ARIH2: variants seen among roughly 807,000 people sequenced by gnomAD.
ARIH2 encodes the protein ariadne RBR E3 ubiquitin protein ligase 2.
Under a neutral mutation model 79.8 loss-of-function variants are expected in ARIH2, and 12 were observed. That is an observed-to-expected ratio of 0.15 (90% CI 0.10 to 0.24). The LOEUF is 0.24. ARIH2 is among the 10% of genes least tolerant of loss of function. ARIH2 has a pLI of 1.00. For synonymous variants in ARIH2, 224 were observed against 213.9 expected, an observed-to-expected ratio of 1.05 and a Z score of -0.41; for missense variants, 301 against 618.3, an observed-to-expected ratio of 0.49 and a Z score of 5.44.
chr3:48,979,922 T>C (rs562159431), intron 12 of ARIH2: 50 of 308,756 alleles, frequency 1.6e-4, no homozygotes, highest in African/African-American at 1.0e-3. Context: ...ATCTTTTTTT[T>C]TTTTTCTTTT....
chr3:48,947,122 AG>A (rs2089270564), intron 3 of ARIH2, among the ~76,000 whole-genome samples: 1 of 152,186 alleles, frequency 6.6e-6, no homozygotes, highest in African/African-American at 2.4e-5. Flanking sequence ...TGAAATACTC[AG>A]AAGCCTTGGT....
intron 11 of ARIH2, among the ~76,000 whole-genome samples, chr3:48,978,131 T>C (rs998792690): frequency 9.9e-5 from 15 of 152,176 alleles, no homozygotes; most frequent in Admixed American, 7.9e-4. Context: ...ACATAGCCCA[T>C]GTGCTCATGG....
intron 3 of ARIH2, among the ~76,000 whole-genome samples, chr3:48,930,337 G>A (rs1469941170): frequency 6.6e-6 from 1 of 152,076 alleles, no homozygotes; most frequent in Non-Finnish European, 1.5e-5. Flanking sequence ...ACAAAAATTA[G>A]CTGAGCGTGC....
Position 48,985,271 on chromosome 3 carries a change from G to T in ARIH2, c.*2001G>T, listed in dbSNP as rs1035849798. The T allele has an allele frequency of 6.6e-6, 1 of 152,262 alleles. No homozygotes were observed. Among genetic ancestry groups the T allele is most frequent in the Non-Finnish European group, 1.5e-5 (1 of 68,134 alleles). 9.4% of individuals were successfully genotyped at this position (152,262 alleles called of 1,614,324 possible). ...GGATGCTGGAGCTGGAGGGTTTTCT[G>T]TGCTCAGACTGTAGCCTGTAGCTCT... On this transcript the variant is annotated 3_prime_UTR_variant, in exon 16 of 16. Coordinates refer to ENST00000356401, the MANE Select transcript of ARIH2 (RefSeq NM_006321.4).
chr3:48,926,353 C>T lies in ARIH2; in HGVS notation c.-97-1109C>T, dbSNP rs145070394. Among the ~76,000 whole-genome samples the T allele has an allele frequency of 8.0e-3, 1,195 of 149,690 alleles. 11 individuals carry two copies. The highest frequency in any genetic ancestry group is 0.028 in the African/African-American group (1,135 of 40,630). The stretch of plus-strand genomic sequence containing the variant: ...CGCAATCTCAGCTCACTATAACCTC[C>T]GCCTCCTGGGTTCAAGCGTTTCTCC... On this transcript the variant is annotated intron_variant, in intron 2 of 15. Coordinates refer to ENST00000356401, the MANE Select transcript of ARIH2 (RefSeq NM_006321.4).
At chr3:48,958,419 A>G (rs1478165090) in intron 3 of ARIH2, among the ~76,000 whole-genome samples, 1 of 152,192 alleles carries the variant, frequency 6.6e-6, no homozygotes, top group African/African-American at 2.4e-5. Context: ...CTCTATTTAA[A>G]AAAATAGATA....
chr3:48,973,201 T>C (rs1430562918), intron 8 of ARIH2, among the ~76,000 whole-genome samples: 1 of 152,186 alleles, frequency 6.6e-6, no homozygotes, highest in Non-Finnish European at 1.5e-5. Context: ...CCCAGCACTT[T>C]GGGAGGCTGA....
chr3:48,970,683 A>G lies in ARIH2; in HGVS notation c.749A>G (p.Asn250Ser), dbSNP rs376123571. The change falls in exon 8 of 16, where the codon AAT (asparagine) becomes AGT (serine). Residue 250 changes from asparagine (N) to serine (S), a missense_variant. By Grantham distance (46) the Asn-to-Ser change is conservative. Around this residue, in one of 2 missense-constraint regions of ARIH2, gnomAD observed 223 missense variants for 349.4 expected, o/e 0.64. Transcript: ENST00000356401. ...CCTAGAGCTCGCCGAGTACAGTGCA[A>G]TCGGTGCAACGAGGTCTTCTGGTAA... is the stretch of plus-strand genomic sequence containing the variant. Reference protein sequence around the residue: ...QEPRARRVQCNRCNEVFCFKC... With the variant: ...QEPRARRVQCSRCNEVFCFKC... 3.0e-5 allele frequency: 48 copies of G among 1,613,780 alleles called. No individual in the cohort carries two copies. The highest frequency in any genetic ancestry group is 1.6e-4 in the Middle Eastern group (1 of 6,084).
chr3:48,919,075 C>T (rs760144328), intron 1 of ARIH2, 77 bp downstream of exon 1: 2 of 1,304,584 alleles, frequency 1.5e-6, no homozygotes. Flanking sequence ...GCCTCCCTGG[C>T]CGGGCCGGGA....
intron 11 of ARIH2, 84 bp downstream of exon 11, chr3:48,975,063 C>G (rs1408050576): frequency 6.2e-7 from 1 of 1,608,010 alleles, no homozygotes; most frequent in East Asian, 2.2e-5. Flanking sequence ...GTACTTCTGC[C>G]ATGAAATGAC....
rs774131978 is a variant in ARIH2 at position 48,968,674 on chromosome 3, C to G, written c.660+19C>G. On this transcript the variant is annotated intron_variant, in intron 7 of 15. Coordinates refer to ENST00000356401, the MANE Select transcript of ARIH2 (RefSeq NM_006321.4). Reference sequence around the variant, plus strand: ...TGTGGAGGTATGGCCAGCCTTTGTTCTGCCCTCTGTCTTCCCGGGCCTACC... The same window carrying G: ...TGTGGAGGTATGGCCAGCCTTTGTTGTGCCCTCTGTCTTCCCGGGCCTACC... The G allele has an allele frequency of 6.2e-7, 1 of 1,601,568 alleles. No individual in the cohort carries two copies. The highest frequency in any genetic ancestry group is 8.5e-7 in the Non-Finnish European group (1 of 1,171,462).
intron 4 of ARIH2, among the ~76,000 whole-genome samples, chr3:48,964,566 CG>C (rs2091594416): frequency 6.6e-6 from 1 of 152,118 alleles, no homozygotes; most frequent in South Asian, 2.1e-4. Flanking sequence ...CTGCCCGCCT[CG>C]GCCTCCCAAA....
chr3:48,957,349 T>A (rs2090714004), intron 3 of ARIH2, among the ~76,000 whole-genome samples: 1 of 152,220 alleles, frequency 6.6e-6, no homozygotes, highest in Non-Finnish European at 1.5e-5. Context: ...AAATTTTATT[T>A]TAAATCCACA....
intron 3 of ARIH2, among the ~76,000 whole-genome samples, chr3:48,931,387 T>C (rs2086334932): frequency 6.6e-6 from 1 of 151,564 alleles, no homozygotes; most frequent in Non-Finnish European, 1.5e-5. Flanking sequence ...CTACTAAAAA[T>C]ACAAACAAAA....
intron 3 of ARIH2, among the ~76,000 whole-genome samples, chr3:48,929,454 C>G (rs995892037): frequency 6.6e-6 from 1 of 152,068 alleles, no homozygotes; most frequent in African/African-American, 2.4e-5. Flanking sequence ...TTCCCTTCGC[C>G]GCCTCATCTC....
intron 14 of ARIH2, 58 bp from the exon 15 acceptor site, chr3:48,982,838 A>G (rs1254228098): frequency 1.4e-5 from 19 of 1,344,880 alleles, no homozygotes; most frequent in Non-Finnish European, 2.0e-5. Context: ...CCCCGTGTAC[A>G]GGCCCTGCCC....
chr3:48,967,466 A>G (rs1398631341), intron 6 of ARIH2, among the ~76,000 whole-genome samples, 191 bp downstream of exon 6: 4 of 152,222 alleles, frequency 2.6e-5, no homozygotes, highest in Non-Finnish European at 5.9e-5. Flanking sequence ...GCAAAACGAG[A>G]AAACTAAATA....
chr3:48,927,842 T>TC lies in ARIH2; in HGVS notation c.255+36dup, dbSNP rs764801893. 4.0e-5 allele frequency: 64 copies of TC among 1,605,600 alleles called. 1 individual carries two copies. In the African/African-American group the frequency reaches 4.2e-4, roughly 10 times the overall value. On this transcript the variant is annotated intron_variant, in intron 3 of 15. Transcript: ENST00000356401. ...AGCAGTGTTGTAAACTCCAGTGTAA[T>TC]CCCCCCCAGTTAAATCTAAGGATGA... is the stretch of plus-strand genomic sequence containing the variant.
At chr3:48,933,944 G>A (rs903201740) in intron 3 of ARIH2, among the ~76,000 whole-genome samples, 5 of 152,124 alleles carry the variant, frequency 3.3e-5, no homozygotes, top group Admixed American at 3.3e-4. Flanking sequence ...CTTGCTTTAT[G>A]AATTGCTGTA....
Sources: gnomAD v4.1 joint callset for allele counts (sites outside exome capture counted in the v4.1 genomes callset) on GRCh38, gnomAD v4.1.1 for gene constraint, gnomAD v4.1.1 regional missense constraint, MANE v1.5 for transcripts, NCBI Gene and HGNC (gene_info 2026-07-23, HGNC 2026-07-21) for gene names.